ERBB4: variants seen among roughly 807,000 people sequenced by gnomAD.
ERBB4 encodes erb-b2 receptor tyrosine kinase 4.
A neutral mutation model predicts 158.0 loss-of-function variants in ERBB4; 42 were observed. The ratio of observed to expected loss-of-function variants is 0.27; its 90% CI spans 0.21 to 0.34. The LOEUF is 0.34. ERBB4 is among the 10% of genes least tolerant of loss of function. The pLI is 1.00. For synonymous variants in ERBB4, 583 were observed against 558.7 expected (o/e 1.04, Z -0.61); for missense variants, 1,333 against 1,624.1 (o/e 0.82, Z 3.08).
chr2:212,209,990 A>C (rs566860921), intron 1 of ERBB4, among the ~76,000 whole-genome samples: 1 of 152,054 alleles, frequency 6.6e-6, no homozygotes, highest in African/African-American at 2.4e-5. Flanking sequence ...GAGATAGAAT[A>C]GGTAGAAAAG....
chr2:211,655,319 C>T (rs1450755823), intron 16 of ERBB4, among the ~76,000 whole-genome samples: 1 of 152,110 alleles, frequency 6.6e-6, no homozygotes, highest in Non-Finnish European at 1.5e-5. Context: ...CTCTCACCCT[C>T]AAGGTTTGAG....
chr2:211,784,393 C>T lies in ERBB4; in HGVS notation c.556+3632G>A, dbSNP rs62183036. Among the ~76,000 whole-genome samples, 1,355 of 152,216 alleles carry T rather than the reference C, an allele frequency of 8.9e-3. 10 individuals carry two copies. The highest frequency in any genetic ancestry group is 0.017 in the Middle Eastern group (5 of 294). On this transcript the variant is annotated intron_variant, in intron 4 of 27. Coordinates refer to ENST00000342788, the MANE Select transcript of ERBB4 (RefSeq NM_005235.3). ...TGGCTTATTTCCTTTAGCATAGTGT[C>T]CTCAAGATTTATTCATGTTGTAGCA...
Position 212,538,580 on chromosome 2 carries a change from TATCCCCCTTTCGGGCACGCGGAGGAG to T in ERBB4, c.-76_-51del, listed in dbSNP as rs1693245769. ...CTGACAATTACATGTCCAAATGGCA[TATCCCCCTTTCGGGCACGCGGAGGAG>T]ATCCCCCAGCCGGGCGCGCGTGGGG... is the stretch of plus-strand genomic sequence containing the variant. On this transcript the variant is annotated 5_prime_UTR_variant, in exon 1 of 28. Transcript: ENST00000342788. 6.4e-7 allele frequency: 1 copy of T among 1,553,982 alleles called. No individual in the cohort carries two copies.
intron 3 of ERBB4, among the ~76,000 whole-genome samples, chr2:211,914,453 T>G (rs1360151219): frequency 1.3e-5 from 2 of 152,094 alleles, no homozygotes; most frequent in African/African-American, 2.4e-5. Flanking sequence ...CATTTTAAAA[T>G]TTTGATTTAA....
chr2:211,746,419 GC>G, intron 5 of ERBB4, among the ~76,000 whole-genome samples: 1 of 152,318 alleles, frequency 6.6e-6, no homozygotes, highest in Admixed American at 6.5e-5. Flanking sequence ...TAGCTTCTAT[GC>G]TGAAAAATTA....
chr2:212,223,908 T>A (rs2083385913), intron 1 of ERBB4, among the ~76,000 whole-genome samples: 1 of 151,832 alleles, frequency 6.6e-6, no homozygotes, highest in Non-Finnish European at 1.5e-5. Flanking sequence ...ATACTTCGCA[T>A]AGATTACCTT....
At chr2:211,444,383 G>C (rs1353139852) in intron 20 of ERBB4, among the ~76,000 whole-genome samples, 3 of 151,938 alleles carry the variant, frequency 2.0e-5, no homozygotes, top group Non-Finnish European at 2.9e-5. Context: ...TGTACATGAG[G>C]TTTAAAGGTA....
intron 3 of ERBB4, among the ~76,000 whole-genome samples, chr2:211,800,710 T>C (rs1424507201): frequency 6.9e-6 from 1 of 145,560 alleles, no homozygotes; most frequent in Non-Finnish European, 1.5e-5. Context: ...GTCTGGACCA[T>C]ATCCCAACCT....
intron 3 of ERBB4, among the ~76,000 whole-genome samples, chr2:211,888,572 C>A (rs139812686): frequency 1.3e-5 from 2 of 151,960 alleles, no homozygotes; most frequent in African/African-American, 2.4e-5. Context: ...GGAACAGCTC[C>A]GGTCTACAGC....
chr2:211,711,928 A>G (rs1034440859), intron 9 of ERBB4, 122 bp downstream of exon 9: 3 of 798,712 alleles, frequency 3.8e-6, no homozygotes, highest in Non-Finnish European at 6.3e-6. Flanking sequence ...TTTGTTGGTG[A>G]GGAGCATTAA....
intron 1 of ERBB4, among the ~76,000 whole-genome samples, chr2:212,515,392 C>A (rs951319989): frequency 1.3e-5 from 2 of 151,950 alleles, no homozygotes; most frequent in Non-Finnish European, 2.9e-5. Flanking sequence ...GAAAGAAAAT[C>A]TTTTTATTTC....
chr2:211,678,509 T>C (rs1366158769), intron 13 of ERBB4, among the ~76,000 whole-genome samples: 2 of 152,202 alleles, frequency 1.3e-5, no homozygotes, highest in East Asian at 1.9e-4. Flanking sequence ...TGTCTGAGTA[T>C]GTTTTTAAAA....
chr2:212,017,490 T>C (rs1283052907), intron 2 of ERBB4, among the ~76,000 whole-genome samples: 2 of 152,166 alleles, frequency 1.3e-5, no homozygotes, highest in Admixed American at 6.5e-5. Flanking sequence ...ATTAAAAATA[T>C]GCATCTTATT....
chr2:212,222,578 T>G (rs548294489), intron 1 of ERBB4, among the ~76,000 whole-genome samples: 4 of 151,494 alleles, frequency 2.6e-5, no homozygotes, highest in African/African-American at 9.6e-5. Context: ...CTTAATATAC[T>G]ATATTCGCCT....
intron 22 of ERBB4, among the ~76,000 whole-genome samples, chr2:211,426,031 T>C (rs2063618805): frequency 6.6e-6 from 1 of 152,040 alleles, no homozygotes; most frequent in South Asian, 2.1e-4. Context: ...GGTAGGTAGT[T>C]ATAAAAGATA....
intron 25 of ERBB4, among the ~76,000 whole-genome samples, chr2:211,393,909 G>T (rs1171441573): frequency 1.3e-5 from 2 of 151,922 alleles, no homozygotes; most frequent in Non-Finnish European, 2.9e-5. Flanking sequence ...AATAACTGGA[G>T]AGCACAAAGA....
At chr2:212,256,018 G>GC (rs1553605810) in intron 1 of ERBB4, among the ~76,000 whole-genome samples, 1 of 50,308 alleles carries the variant, frequency 2.0e-5, no homozygotes, top group Non-Finnish European at 5.3e-5. Context: ...TTTTACAAAT[G>GC]GGGGGGGGTC....
chr2:212,419,456 G>C (rs2091741109), intron 1 of ERBB4, among the ~76,000 whole-genome samples: 2 of 151,778 alleles, frequency 1.3e-5, no homozygotes, highest in African/African-American at 4.8e-5. Flanking sequence ...ACAAAAGAGA[G>C]GGATTTGACT....
intron 1 of ERBB4, among the ~76,000 whole-genome samples, chr2:212,140,497 A>G (rs1290071964): frequency 6.8e-6 from 1 of 147,290 alleles, no homozygotes; most frequent in Non-Finnish European, 1.5e-5. Context: ...TTGTAAATGT[A>G]AAAAGTATAT....
Sources: allele counts gnomAD v4.1 joint callset (sites outside exome capture counted in the v4.1 genomes callset), GRCh38; gene constraint gnomAD v4.1.1; transcripts MANE v1.5; gene names NCBI Gene and HGNC (gene_info 2026-07-23, HGNC 2026-07-21).